SNUPN: variants seen among roughly 807,000 people sequenced by gnomAD.
SNUPN encodes snurportin 1.
A neutral mutation model predicts 39.2 loss-of-function variants in SNUPN; 31 were observed. The observed-to-expected ratio is 0.79, with a 90% CI of 0.59 to 1.07. The LOEUF is 1.07. Ranked by LOEUF, SNUPN falls within the 50% of genes least tolerant of loss-of-function variation. SNUPN has a pLI of 0.00. For missense variants in SNUPN, 382 were observed against 434.2 expected, an observed-to-expected ratio of 0.88 and a Z score of 1.07; for synonymous variants, 132 against 159.0, an observed-to-expected ratio of 0.83 and a Z score of 1.28.
intron 1 of SNUPN, among the ~76,000 whole-genome samples, chr15:75,624,496 T>TAA (rs59069672): frequency 2.4e-5 from 3 of 123,854 alleles, no homozygotes; most frequent in East Asian, 5.2e-4. Context: ...CCGTCTCTAC[T>TAA]AAAAAAAAAA....
At chr15:75,611,058 C>G (rs1220177955) in intron 3 of SNUPN, among the ~76,000 whole-genome samples, 2 of 151,810 alleles carry the variant, frequency 1.3e-5, no homozygotes, top group Admixed American at 1.3e-4. Context: ...ATCCCAGCTA[C>G]TCAGGAGGCT....
At chr15:75,625,932 G>T (rs1364745396), upstream of SNUPN, 2 of 151,896 alleles carry the variant, frequency 1.3e-5, no homozygotes, top group Non-Finnish European at 2.9e-5. Context: ...GCACTGTCCG[G>T]GACTCTTCCT....
In SNUPN at chr15:75,601,180, G is replaced by T. The variant is rs77007267; in HGVS notation, c.717C>A (p.Pro239=). ...TAGATAGCACATCACACAGGCTTTC[G>T]GGAGTGCAAGGGAAGTTCTTTAGCC... ...FVGLKNFPCT[P]ESLCDVLSMD... is the part of the protein sequence containing the mutation. The change falls in exon 8 of 9, where the codon CCC becomes CCA. Residue 239 remains proline, a synonymous_variant. Transcript: ENST00000308588. 1.3e-3 allele frequency: 2,175 copies of T among 1,613,604 alleles called. 55 individuals carry two copies. The East Asian group carries it at 0.038, about 28-fold the overall frequency.
chr15:75,617,685 G>C (rs1456851472), intron 2 of SNUPN, 133 bp from the exon 3 acceptor site: 3 of 937,132 alleles, frequency 3.2e-6, no homozygotes, highest in Non-Finnish European at 4.6e-6. Flanking sequence ...GGGCTCAAGT[G>C]ATCTTCCCAC....
At chr15:75,600,400 G>A (rs1346751084) in intron 8 of SNUPN, among the ~76,000 whole-genome samples, 1 of 151,698 alleles carries the variant, frequency 6.6e-6, no homozygotes, top group Non-Finnish European at 1.5e-5. Context: ...TCAGCCTCCC[G>A]AGTAGCTGGG....
rs536157362 is a variant in SNUPN, at chr15:75,598,537, CAT to C, written c.902_903del (p.Tyr301CysfsTer29). 3.3e-5 allele frequency: 53 copies of C among 1,614,218 alleles called. No homozygotes were observed. Among genetic ancestry groups the C allele is most frequent in the Admixed American group, 8.3e-5 (5 of 60,008 alleles). On this transcript the variant is annotated frameshift_variant, in exon 9 of 9. Transcript: ENST00000308588. LOFTEE classifies it low-confidence loss of function (END_TRUNC). Reference sequence around the variant, plus strand: ...ATAATCTGCTGGAGCTGGTGCCCAGCATAGTCTGGCTTGGTGGTCAGCGGGCC... The same window carrying C: ...ATAATCTGCTGGAGCTGGTGCCCAGCAGTCTGGCTTGGTGGTCAGCGGGCC... ...PAGPLTTKPD[Y>X]AGHQLQQIME...
At chr15:75,624,192 G>A (rs1893155466) in intron 1 of SNUPN, among the ~76,000 whole-genome samples, 1 of 150,698 alleles carries the variant, frequency 6.6e-6, no homozygotes, top group African/African-American at 2.4e-5. Flanking sequence ...CTCCCAAAGT[G>A]CTGGGATTAC....
intron 3 of SNUPN, among the ~76,000 whole-genome samples, chr15:75,613,974 T>TTGTA (rs1892863883): frequency 6.6e-6 from 1 of 152,042 alleles, no homozygotes; most frequent in South Asian, 2.1e-4. Flanking sequence ...ACACAAAAAC[T>TTGTA]TGTAGTACAA....
intron 6 of SNUPN, among the ~76,000 whole-genome samples, chr15:75,605,554 C>T (rs1409119104): frequency 6.6e-6 from 1 of 152,086 alleles, no homozygotes; most frequent in Non-Finnish European, 1.5e-5. Flanking sequence ...CCACCTCGAG[C>T]CTCCCAAAGT....
upstream of SNUPN, chr15:75,626,031 G>C (rs1027229457): frequency 3.9e-5 from 6 of 152,354 alleles, no homozygotes; most frequent in Admixed American, 3.3e-4. Flanking sequence ...TGATCTTGTG[G>C]CCGGGCATTC....
chr15:75,619,638 A>AAT (rs989864651), intron 2 of SNUPN, among the ~76,000 whole-genome samples: 2 of 152,040 alleles, frequency 1.3e-5, no homozygotes, highest in South Asian at 2.1e-4. Context: ...CCCTGTCTAA[A>AAT]ATATATATAT....
At chr15:75,609,160 C>G (rs1456514121) in intron 5 of SNUPN, among the ~76,000 whole-genome samples, 4 of 145,724 alleles carry the variant, frequency 2.7e-5, no homozygotes, top group Non-Finnish European at 6.0e-5. Context: ...CAAAGATAAG[C>G]TATCAAAGTG....
At chr15:75,621,501 A>G (rs749847153) in intron 1 of SNUPN, among the ~76,000 whole-genome samples, 25 of 152,188 alleles carry the variant, frequency 1.6e-4, no homozygotes, top group Middle Eastern at 3.4e-3. Context: ...GGCTCAAGCA[A>G]TCTTCCCTCC....
At chr15:75,602,914 T>C (rs978536159) in intron 7 of SNUPN, among the ~76,000 whole-genome samples, 7 of 151,890 alleles carry the variant, frequency 4.6e-5, no homozygotes, top group Non-Finnish European at 1.0e-4. Context: ...GCTAATTTTT[T>C]TGTTTGTATT....
intron 2 of SNUPN, among the ~76,000 whole-genome samples, chr15:75,618,766 A>C (rs1434621774): frequency 1.3e-5 from 2 of 152,114 alleles, no homozygotes; most frequent in African/African-American, 4.8e-5. Flanking sequence ...AAGAGCTGGT[A>C]TATTTGTACA....
At chr15:75,616,517 C>T (rs1205446667) in intron 3 of SNUPN, among the ~76,000 whole-genome samples, 2 of 152,106 alleles carry the variant, frequency 1.3e-5, no homozygotes, top group African/African-American at 4.8e-5. Context: ...TCTTGAACTC[C>T]TGGCTTCAAG....
intron 8 of SNUPN, among the ~76,000 whole-genome samples, chr15:75,599,033 G>A (rs1278936250): frequency 6.6e-6 from 1 of 151,926 alleles, no homozygotes; most frequent in African/African-American, 2.4e-5. Flanking sequence ...CCAGGCATGT[G>A]TGGCACATGC....
chr15:75,607,171 AGAG>A (rs1431525677), intron 6 of SNUPN, 42 bp downstream of exon 6: 5 of 1,376,778 alleles, frequency 3.6e-6, no homozygotes, highest in East Asian at 2.3e-5. Context: ...TCCCAGGAGG[AGAG>A]GAGAAGACAG....
At chr15:75,612,222 AG>A (rs1337672087) in intron 3 of SNUPN, among the ~76,000 whole-genome samples, 1 of 151,994 alleles carries the variant, frequency 6.6e-6, no homozygotes, top group East Asian at 1.9e-4. Context: ...TAGTAGAGAC[AG>A]GGTTTCACCA....
Sources: allele counts gnomAD v4.1 joint callset (sites outside exome capture counted in the v4.1 genomes callset), GRCh38; gene constraint gnomAD v4.1.1; transcripts MANE v1.5; gene names NCBI Gene and HGNC (gene_info 2026-07-23, HGNC 2026-07-21).